The following SLC2A1 variants were observed in gnomAD, a reference collection of about 807,000 sequenced individuals.
SLC2A1 encodes solute carrier family 2, facilitated glucose transporter member 1.
A neutral mutation model predicts 46.6 loss-of-function variants in SLC2A1; 4 were observed. That is an observed-to-expected ratio of 0.09 (90% CI 0.04 to 0.20). SLC2A1 has a LOEUF of 0.20. SLC2A1 is among the 10% of genes least tolerant of loss of function. The pLI is 1.00. For missense variants in SLC2A1, 352 were observed against 667.0 expected, an observed-to-expected ratio of 0.53 and a Z score of 5.20; for synonymous variants, 253 against 270.0, an observed-to-expected ratio of 0.94 and a Z score of 0.62.
chr1:42,951,236 C>T (rs1200855132), intron 1 of SLC2A1, among the ~76,000 whole-genome samples: 1 of 152,100 alleles, frequency 6.6e-6, no homozygotes, highest in Non-Finnish European at 1.5e-5. Flanking sequence ...GCTGCTATTT[C>T]TTAATCATGG....
At chr1:42,928,338 A>G (rs1040833805) in intron 8 of SLC2A1, among the ~76,000 whole-genome samples, 9 of 152,332 alleles carry the variant, frequency 5.9e-5, no homozygotes, top group Middle Eastern at 3.4e-3. Flanking sequence ...AATGACAGTC[A>G]TGGTGCTTTC....
At chr1:42,932,153 C>T (rs1207713381) in intron 2 of SLC2A1, among the ~76,000 whole-genome samples, 2 of 152,136 alleles carry the variant, frequency 1.3e-5, no homozygotes, top group South Asian at 2.1e-4. Context: ...GAAGGACCCA[C>T]GGCCTCCTCC....
In SLC2A1 at chr1:42,926,944, G is replaced by A; in HGVS notation, c.*97C>T. The A allele has an allele frequency of 6.4e-7, 1 of 1,554,598 alleles. No homozygotes were observed. Among genetic ancestry groups the A allele is most frequent in the Non-Finnish European group, 8.7e-7 (1 of 1,151,720 alleles). Reference sequence around the variant, plus strand: ...AAGGAGCCCCAGGCCCGGCTCGGCTGACATCTGTCAGGTTTGGAAGTCTCA... The same window carrying A: ...AAGGAGCCCCAGGCCCGGCTCGGCTAACATCTGTCAGGTTTGGAAGTCTCA... On this transcript the variant is annotated 3_prime_UTR_variant, in exon 10 of 10. Coordinates refer to ENST00000426263, the MANE Select transcript of SLC2A1 (RefSeq NM_006516.4).
chr1:42,942,528 C>T (rs909707279), intron 2 of SLC2A1, among the ~76,000 whole-genome samples: 2 of 150,826 alleles, frequency 1.3e-5, no homozygotes, highest in African/African-American at 4.9e-5. Flanking sequence ...ATCTAGGATG[C>T]ACGGCAGGGA....
chr1:42,930,806 G>A lies in SLC2A1; in HGVS notation c.336C>T (p.Phe112=). ...TCTCAAAGGACTTGCCCAGTTTCGA[G>A]AAGCCCATGAGCACGGCGGACACGA... ...LAFVSAVLMG[F]SKLGKSFEML... Residue 112 remains phenylalanine (F), a synonymous_variant, in exon 4 of 10, where the codon TTC becomes TTT. Transcript: ENST00000426263. The surrounding 1 kb of genome is among the most constrained non-coding windows in gnomAD (Gnocchi z 6.2). 3.7e-6 allele frequency: 6 copies of A among 1,601,614 alleles called. No homozygotes were observed. Among genetic ancestry groups the A allele is most frequent in the South Asian group, 2.2e-5 (2 of 91,092 alleles).
intron 1 of SLC2A1, among the ~76,000 whole-genome samples, chr1:42,951,438 T>G (rs1643719278): frequency 6.6e-6 from 1 of 152,176 alleles, no homozygotes; most frequent in Admixed American, 6.5e-5. Flanking sequence ...TGGTTGTATG[T>G]GCAGAGAGAA....
chr1:42,935,323 G>A (rs1046418111), intron 2 of SLC2A1, among the ~76,000 whole-genome samples: 3 of 152,130 alleles, frequency 2.0e-5, no homozygotes, highest in African/African-American at 7.2e-5. Context: ...CCTGGGGTGA[G>A]GGGGAGGCCT....
Position 42,930,113 on chromosome 1 carries a change from C to A in SLC2A1, c.517-78G>T. 1 of 1,530,310 alleles carries A rather than the reference C, an allele frequency of 6.5e-7. No individual in the cohort carries two copies. Among genetic ancestry groups the A allele is most frequent in the Non-Finnish European group, 9.0e-7 (1 of 1,114,504 alleles). 94.8% of individuals were successfully genotyped at this position (1,530,310 alleles called of 1,614,324 possible). On this transcript the variant is annotated intron_variant, in intron 4 of 9. Coordinates refer to ENST00000426263, the MANE Select transcript of SLC2A1 (RefSeq NM_006516.4). The surrounding 1 kb of genome is among the most constrained non-coding windows in gnomAD (Gnocchi z 6.2). ...CGTCCTGCCAGAGTGGCCTTCCCTA[C>A]TTTGTGTCAGCTGCTGCTTCAGGGA...
In SLC2A1 at chr1:42,925,731, G is replaced by A. The variant is rs1643418698; in HGVS notation, c.*1310C>T. 1 of 152,192 alleles carries A rather than the reference G, an allele frequency of 6.6e-6. No individual in the cohort carries two copies. The highest frequency in any genetic ancestry group is 1.5e-5 in the Non-Finnish European group (1 of 68,048). 9.4% of individuals were successfully genotyped at this position (152,192 alleles called of 1,614,324 possible). On this transcript the variant is annotated 3_prime_UTR_variant, in exon 10 of 10. Coordinates refer to ENST00000426263, the MANE Select transcript of SLC2A1 (RefSeq NM_006516.4). The stretch of plus-strand genomic sequence containing the variant: ...GGGAGGGGTGCAGGAGGTGGGTGGA[G>A]TTAATGGAGTAGTGGTTGTATGGTA...
At position 42,943,341 on chromosome 1, in the gene SLC2A1, A is replaced by G. The variant is rs910484979; in HGVS notation, c.19-20T>C. 1.9e-6 allele frequency: 3 copies of G among 1,582,242 alleles called. No individual in the cohort carries two copies. The highest frequency in any genetic ancestry group is 3.3e-4 in the Middle Eastern group (2 of 6,008). ...CAGCTTCTGCGGAGAAACAAACCAC[A>G]CTGTTATAGGCGTGTCTGGGAGCAG... On this transcript the variant is annotated intron_variant, in intron 1 of 9. Coordinates refer to ENST00000426263, the MANE Select transcript of SLC2A1 (RefSeq NM_006516.4).
Position 42,930,517 on chromosome 1 carries a change from TGTGG to T in SLC2A1, c.516+105_516+108del. 6.8e-7 allele frequency: 1 copy of T among 1,462,466 alleles called. No homozygotes were observed. Among genetic ancestry groups the T allele is most frequent in the Non-Finnish European group, 9.4e-7 (1 of 1,061,082 alleles). 90.6% of individuals were successfully genotyped at this position (1,462,466 alleles called of 1,614,324 possible). A position where few individuals can be genotyped will look rare whatever the true frequency, so the allele number is the denominator to read the frequency against. On this transcript the variant is annotated intron_variant, in intron 4 of 9. Coordinates refer to ENST00000426263, the MANE Select transcript of SLC2A1 (RefSeq NM_006516.4). This position sits in a 1 kb window ranked among gnomAD's most constrained non-coding sequence, Gnocchi z 6.2. ...GTACCATAGTTGTCCTCTGCAAGGC[TGTGG>T]GGGCTGGGCGGAAGAGAAACTCTGC...
intron 2 of SLC2A1, among the ~76,000 whole-genome samples, chr1:42,938,427 C>T (rs1485452952): frequency 6.6e-6 from 1 of 152,232 alleles, no homozygotes; most frequent in Non-Finnish European, 1.5e-5. Flanking sequence ...CCCCGCCTGC[C>T]TTGTAGAGTT....
At position 42,931,163 on chromosome 1, in the gene SLC2A1, C is replaced by A. The variant is rs796053246; in HGVS notation, c.158G>T (p.Gly53Val). ...GAGCGTGGTGGGCAGGATGCTCTCC[C>A]CATAGCGGTGGACCCATGTCTGGTT... ...FYNQTWVHRY[G>V]ESILPTTLTT... The change falls in exon 3 of 10, where the codon GGG (glycine) becomes GTG (valine). Residue 53 changes from glycine (G) to valine (V), a missense_variant. Gly to Val is a moderately radical substitution (Grantham distance 109, BLOSUM62 -3). Transcript: ENST00000426263. 1 of 1,614,120 alleles carries A rather than the reference C, an allele frequency of 6.2e-7. No homozygotes were observed. Among genetic ancestry groups the A allele is most frequent in the Admixed American group, 1.7e-5 (1 of 60,024 alleles).
chr1:42,944,108 G>A (rs1176712557), intron 1 of SLC2A1, among the ~76,000 whole-genome samples: 5 of 152,162 alleles, frequency 3.3e-5, no homozygotes, highest in East Asian at 1.9e-4. Context: ...CATGCTAGGC[G>A]GGAATGCACT....
intron 1 of SLC2A1, among the ~76,000 whole-genome samples, chr1:42,946,298 G>C (rs751555948): frequency 6.6e-6 from 1 of 152,202 alleles, no homozygotes; most frequent in Non-Finnish European, 1.5e-5. Context: ...CATCCACCCA[G>C]GCAGCTGCTG....
intron 1 of SLC2A1, 81 bp downstream of exon 1, chr1:42,958,553 G>C (rs1199577179): frequency 1.0e-5 from 13 of 1,249,136 alleles, no homozygotes; most frequent in African/African-American, 1.6e-5. Context: ...CGGGGCGGCG[G>C]GGGAGGCCCT....
intron 2 of SLC2A1, 152 bp downstream of exon 2, chr1:42,943,074 T>C (rs1325262738): frequency 2.9e-6 from 2 of 690,596 alleles, no homozygotes; most frequent in African/African-American, 1.8e-5. Flanking sequence ...GTCTCTGACA[T>C]GATCAGGGCC....
chr1:42,939,339 C>T (rs1377103573), intron 2 of SLC2A1, among the ~76,000 whole-genome samples: 2 of 152,248 alleles, frequency 1.3e-5, no homozygotes, highest in African/African-American at 4.8e-5. Flanking sequence ...AGTCAACAGA[C>T]CAAGTGTCTG....
chr1:42,928,795 C>T (rs1643454397), intron 8 of SLC2A1, 137 bp downstream of exon 8: 1 of 807,002 alleles, frequency 1.2e-6, no homozygotes, highest in Admixed American at 1.7e-5. Context: ...CTTCAGGAGC[C>T]AGAAAGTCAG....
Sources: allele counts gnomAD v4.1 joint callset (sites outside exome capture counted in the v4.1 genomes callset), GRCh38; gene constraint gnomAD v4.1.1; non-coding constraint Gnocchi (gnomAD v3.1); transcripts MANE v1.5; gene names NCBI Gene and HGNC (gene_info 2026-07-23, HGNC 2026-07-21).